The following ZCCHC24 variants were observed in gnomAD, a reference collection of about 807,000 sequenced individuals.
ZCCHC24 encodes the protein zinc finger CCHC domain-containing protein 24.
Under a neutral mutation model 26.2 loss-of-function variants are expected in ZCCHC24, and 10 were observed. That is an observed-to-expected ratio of 0.38 (90% CI 0.24 to 0.65). The LOEUF is 0.65. ZCCHC24 is among the 30% of genes least tolerant of loss of function. The probability of loss-of-function intolerance (pLI) is 0.54; values close to 1 mark genes in which losing one functional copy is unlikely to be tolerated. For missense variants in ZCCHC24, 243 were observed against 329.1 expected (o/e 0.74, Z 2.03); for synonymous variants, 144 against 147.1 (o/e 0.98, Z 0.15).
At chr10:79,393,220 G>T (rs955634862) in intron 3 of ZCCHC24, among the ~76,000 whole-genome samples, 1 of 152,216 alleles carries the variant, frequency 6.6e-6, no homozygotes, top group African/African-American at 2.4e-5. Flanking sequence ...CTTCTCACAT[G>T]AGCTTCAGAA....
At chr10:79,439,847 C>T (rs1449926663) in intron 1 of ZCCHC24, among the ~76,000 whole-genome samples, 4 of 151,196 alleles carry the variant, frequency 2.6e-5, no homozygotes, top group African/African-American at 9.7e-5. Context: ...TCATCTTTCA[C>T]AGGCTCACAG....
At chr10:79,409,825 C>T (rs1246010462) in intron 2 of ZCCHC24, among the ~76,000 whole-genome samples, 1 of 152,254 alleles carries the variant, frequency 6.6e-6, no homozygotes, top group Non-Finnish European at 1.5e-5. Context: ...CGAGGGCCGA[C>T]ACTTCCTGTC....
chr10:79,386,340 GC>G lies in ZCCHC24; in HGVS notation c.*4del, dbSNP rs752832120. 2.5e-6 allele frequency: 4 copies of G among 1,611,594 alleles called. No homozygotes were observed. The highest frequency in any genetic ancestry group is 1.1e-5 in the South Asian group (1 of 90,780). Reference sequence around the variant, plus strand: ...GGGTGGCTCTGGGTGCGGGCGGGCAGCCCGTCACTGCACGCGACGGCAGTAG... The same window carrying G: ...GGGTGGCTCTGGGTGCGGGCGGGCAGCCGTCACTGCACGCGACGGCAGTAG... On this transcript the variant is annotated 3_prime_UTR_variant, in exon 4 of 4. Transcript: ENST00000372336.
intron 2 of ZCCHC24, among the ~76,000 whole-genome samples, chr10:79,402,276 T>C (rs988993292): frequency 1.3e-5 from 2 of 152,174 alleles, no homozygotes; most frequent in Admixed American, 6.5e-5. Flanking sequence ...TTCTTTTTTT[T>C]TCTTTTTTCT....
chr10:79,427,298 A>G (rs532193890), intron 2 of ZCCHC24, among the ~76,000 whole-genome samples: 15 of 152,196 alleles, frequency 9.9e-5, no homozygotes, highest in Non-Finnish European at 1.9e-4. Flanking sequence ...CAGAATATCA[A>G]CAAAGCAGGA....
intron 2 of ZCCHC24, among the ~76,000 whole-genome samples, chr10:79,421,558 A>G (rs1425762421): frequency 6.6e-6 from 1 of 150,882 alleles, no homozygotes; most frequent in African/African-American, 2.4e-5. Flanking sequence ...TCCACTGTCT[A>G]ACATTCAAAG....
chr10:79,422,727 TC>T (rs1856964023), intron 2 of ZCCHC24, among the ~76,000 whole-genome samples: 1 of 152,136 alleles, frequency 6.6e-6, no homozygotes, highest in Non-Finnish European at 1.5e-5. Context: ...GAATGGCAGT[TC>T]CCCTGGGCTC....
At chr10:79,402,899 G>A (rs983732329) in intron 2 of ZCCHC24, among the ~76,000 whole-genome samples, 2 of 152,134 alleles carry the variant, frequency 1.3e-5, no homozygotes, top group Non-Finnish European at 2.9e-5. Flanking sequence ...TCTTACCTCC[G>A]ACCCTGGCCA....
intron 1 of ZCCHC24, among the ~76,000 whole-genome samples, chr10:79,436,356 C>G (rs1486518196): frequency 3.3e-5 from 5 of 152,166 alleles, no homozygotes; most frequent in Admixed American, 3.3e-4. Context: ...TCCCCTTACT[C>G]AGGCCTCAGG....
chr10:79,413,117 G>C (rs1856813483), intron 2 of ZCCHC24, among the ~76,000 whole-genome samples: 1 of 152,222 alleles, frequency 6.6e-6, no homozygotes, highest in African/African-American at 2.4e-5. Context: ...CATCCAAAAT[G>C]GGTTCAGTGC....
chr10:79,406,064 G>A (rs1856707627), intron 2 of ZCCHC24, among the ~76,000 whole-genome samples: 1 of 152,254 alleles, frequency 6.6e-6, no homozygotes, highest in Non-Finnish European at 1.5e-5. Flanking sequence ...TTAGGAGACT[G>A]TGGCAACCAC....
chr10:79,387,756 C>T (rs1856419707), intron 3 of ZCCHC24, among the ~76,000 whole-genome samples: 1 of 152,220 alleles, frequency 6.6e-6, no homozygotes, highest in Non-Finnish European at 1.5e-5. Context: ...TCCACCCAAT[C>T]CACAGTCTTG....
rs5786398 is a variant in ZCCHC24, at chr10:79,383,631, C to CT, written c.*2713dup. 0.44 allele frequency: 62,863 copies of CT among 144,282 alleles called. 13,787 individuals are homozygous for CT. The highest frequency in any genetic ancestry group is 0.65 in the East Asian group (3,276 of 5,038). 8.9% of individuals were successfully genotyped at this position (144,282 alleles called of 1,614,324 possible). A position where few individuals can be genotyped will look rare whatever the true frequency, so the allele number is the denominator to read the frequency against. On this transcript the variant is annotated 3_prime_UTR_variant, in exon 4 of 4. Coordinates refer to ENST00000372336, the MANE Select transcript of ZCCHC24 (RefSeq NM_153367.4). ...AATCAAACAATTATATTTTTCTTTT[C>CT]TTTTTTTTTTTTTAAAAAAAGGCCC... is the stretch of plus-strand genomic sequence containing the variant.
intron 2 of ZCCHC24, among the ~76,000 whole-genome samples, chr10:79,406,511 C>T (rs778734583): frequency 6.6e-6 from 1 of 152,182 alleles, no homozygotes; most frequent in Non-Finnish European, 1.5e-5. Context: ...CCACTGTCCC[C>T]AAAGGCGAGG....
At chr10:79,397,025 G>A (rs1415169923) in intron 2 of ZCCHC24, among the ~76,000 whole-genome samples, 1 of 152,198 alleles carries the variant, frequency 6.6e-6, no homozygotes, top group African/African-American at 2.4e-5. Flanking sequence ...ATATAAAATT[G>A]GTACATAGTT....
intron 2 of ZCCHC24, among the ~76,000 whole-genome samples, chr10:79,399,488 C>T (rs1373370864): frequency 6.6e-6 from 1 of 152,256 alleles, no homozygotes; most frequent in East Asian, 1.9e-4. Context: ...GGGATCACAT[C>T]TGCCAGGAGC....
At chr10:79,405,288 G>T (rs906621114) in intron 2 of ZCCHC24, among the ~76,000 whole-genome samples, 29 of 152,218 alleles carry the variant, frequency 1.9e-4, no homozygotes, top group African/African-American at 7.0e-4. Context: ...GCCTCTCTGT[G>T]TGCTGCGGTC....
rs1856345155 is a variant in ZCCHC24, at chr10:79,383,188, C to T, written c.*3157G>A. On this transcript the variant is annotated 3_prime_UTR_variant, in exon 4 of 4. Coordinates refer to ENST00000372336, the MANE Select transcript of ZCCHC24 (RefSeq NM_153367.4). ...AATACACATATGTATAAATACAGGACAAGAACATATTAATAAGTCTAAACA... is the reference window on the plus strand; with the variant it reads ...AATACACATATGTATAAATACAGGATAAGAACATATTAATAAGTCTAAACA... 1 of 152,492 alleles carries T rather than the reference C, an allele frequency of 6.6e-6. No homozygotes were observed. The highest frequency in any genetic ancestry group is 2.4e-5 in the African/African-American group (1 of 41,230). 9.4% of individuals were successfully genotyped at this position (152,492 alleles called of 1,614,324 possible). A position where few individuals can be genotyped will look rare whatever the true frequency, so the allele number is the denominator to read the frequency against.
At chr10:79,386,480 G>A (rs1225967974) in intron 3 of ZCCHC24, 22 bp from the exon 4 acceptor site, 1 of 1,567,172 alleles carries the variant, frequency 6.4e-7, no homozygotes, top group African/African-American at 1.4e-5. Context: ...AGGAGGAAGG[G>A]GCCCAGGGGA....
Sources: allele counts gnomAD v4.1 joint callset (sites outside exome capture counted in the v4.1 genomes callset), GRCh38; gene constraint gnomAD v4.1.1; transcripts MANE v1.5; gene names NCBI Gene and HGNC (gene_info 2026-07-23, HGNC 2026-07-21).